LNP1: variants seen among roughly 807,000 people sequenced by gnomAD.
The protein encoded by LNP1 is leukemia NUP98 fusion partner 1.
Under a neutral mutation model 14.5 loss-of-function variants are expected in LNP1, and 12 were observed. That is an observed-to-expected ratio of 0.83 (90% CI 0.53 to 1.34). The LOEUF (loss-of-function observed/expected upper bound fraction) is 1.34. Among genes scored for constraint, LNP1 ranks in the 40% most tolerant of loss-of-function variants. The pLI is 0.00. For missense variants in LNP1, 198 were observed against 210.9 expected, an observed-to-expected ratio of 0.94 and a Z score of 0.38; for synonymous variants, 75 against 71.4, an observed-to-expected ratio of 1.05 and a Z score of -0.26.
intron 1 of LNP1, among the ~76,000 whole-genome samples, chr3:100,428,026 T>G (rs977808903): frequency 1.1e-4 from 16 of 152,240 alleles, no homozygotes; most frequent in African/African-American, 3.9e-4. Flanking sequence ...CAAGAATTCC[T>G]GATTGAAAAT....
At chr3:100,409,070 G>T (rs1444557743) in intron 1 of LNP1, among the ~76,000 whole-genome samples, 1 of 152,084 alleles carries the variant, frequency 6.6e-6, no homozygotes, top group Non-Finnish European at 1.5e-5. Flanking sequence ...ACTTGAATTG[G>T]CAGAGTGAGT....
chr3:100,442,729 T>A (rs1198320599), intron 2 of LNP1, among the ~76,000 whole-genome samples: 2 of 152,316 alleles, frequency 1.3e-5, no homozygotes, highest in East Asian at 3.9e-4. Context: ...GCTTAGTGAT[T>A]TGGGGGCCCC....
intron 2 of LNP1, among the ~76,000 whole-genome samples, chr3:100,438,504 A>T (rs1022004827): frequency 3.9e-5 from 6 of 152,118 alleles, no homozygotes; most frequent in Non-Finnish European, 7.4e-5. Context: ...ACACATTAGG[A>T]TTCACTCTTC....
chr3:100,452,865 G>T (rs1707473425), intron 3 of LNP1, among the ~76,000 whole-genome samples: 1 of 152,228 alleles, frequency 6.6e-6, no homozygotes. Context: ...ATCAATTAAT[G>T]TGGGGGTAGT....
intron 1 of LNP1, among the ~76,000 whole-genome samples, chr3:100,425,194 TAGTC>T (rs1314716906): frequency 6.6e-6 from 1 of 152,190 alleles, no homozygotes; most frequent in Non-Finnish European, 1.5e-5. Flanking sequence ...AAACATGCGT[TAGTC>T]AGGTAGCACA....
At chr3:100,404,585 C>T (rs1429054206) in intron 1 of LNP1, among the ~76,000 whole-genome samples, 1 of 152,164 alleles carries the variant, frequency 6.6e-6, no homozygotes, top group Non-Finnish European at 1.5e-5. Flanking sequence ...TTCAATCTCT[C>T]CATTAGTAAC....
intron 2 of LNP1, among the ~76,000 whole-genome samples, chr3:100,430,276 T>C (rs1707230109): frequency 6.6e-6 from 1 of 152,258 alleles, no homozygotes; most frequent in South Asian, 2.1e-4. Flanking sequence ...TTCCACTCTT[T>C]GGTAGACCTT....
chr3:100,441,666 A>G (rs1707345210), intron 2 of LNP1, among the ~76,000 whole-genome samples: 3 of 150,136 alleles, frequency 2.0e-5, no homozygotes, highest in Admixed American at 2.0e-4. Flanking sequence ...ATTTTATTTT[A>G]TTTTTACTTT....
intron 1 of LNP1, among the ~76,000 whole-genome samples, chr3:100,413,135 A>C (rs1707046383): frequency 6.6e-6 from 1 of 152,226 alleles, no homozygotes; most frequent in Admixed American, 6.5e-5. Context: ...GCTAGATCCC[A>C]GTCCCTAGCA....
chr3:100,434,638 C>T (rs902189704), intron 2 of LNP1, among the ~76,000 whole-genome samples: 12 of 151,646 alleles, frequency 7.9e-5, no homozygotes, highest in African/African-American at 2.7e-4. Context: ...GAGGAATGCT[C>T]CTGCCTCAGC....
At chr3:100,455,649 T>A (rs1204521122) in intron 3 of LNP1, 128 bp from the exon 4 acceptor site, 4 of 871,972 alleles carry the variant, frequency 4.6e-6, no homozygotes, top group Non-Finnish European at 7.4e-6. Context: ...GCTAATTTAT[T>A]TCTAGAAACC....
chr3:100,433,363 C>T (rs1025017887), intron 2 of LNP1, among the ~76,000 whole-genome samples: 5 of 152,152 alleles, frequency 3.3e-5, no homozygotes, highest in Non-Finnish European at 7.3e-5. Context: ...GTGATGGCTT[C>T]CAGCTTCATC....
intron 1 of LNP1, among the ~76,000 whole-genome samples, chr3:100,418,189 A>T (rs1408899259): frequency 1.3e-5 from 2 of 149,614 alleles, no homozygotes; most frequent in African/African-American, 4.9e-5. Context: ...TCTCCTGAGT[A>T]GCTGGGATTA....
At chr3:100,446,628 C>T (rs1445162618) in intron 2 of LNP1, among the ~76,000 whole-genome samples, 1 of 152,150 alleles carries the variant, frequency 6.6e-6, no homozygotes, top group Non-Finnish European at 1.5e-5. Context: ...AGAGCTTCTG[C>T]ACAGCAAAAG....
intron 2 of LNP1, among the ~76,000 whole-genome samples, chr3:100,450,617 A>C (rs1176601935): frequency 6.6e-6 from 1 of 152,132 alleles, no homozygotes; most frequent in Non-Finnish European, 1.5e-5. Flanking sequence ...GATTACAGGC[A>C]TGAGCCACCA....
At chr3:100,455,657 A>ATAATTAG in intron 3 of LNP1, 120 bp from the exon 4 acceptor site, 1 of 933,190 alleles carries the variant, frequency 1.1e-6, no homozygotes, top group Non-Finnish European at 1.7e-6. Flanking sequence ...ATTTCTAGAA[A>ATAATTAG]CCAAGAGGTG....
rs557586204 is a variant in LNP1, at chr3:100,401,895, A to T, written c.-578A>T. On this transcript the variant is annotated 5_prime_UTR_variant, in exon 1 of 4. Coordinates refer to ENST00000383693, the MANE Select transcript of LNP1 (RefSeq NM_001085451.2). ...GCGTTGTTAGGGGTTTCTTAAACTG[A>T]GTTGGTAGAAATGCGAAGCGTCAGG... The T allele has an allele frequency of 6.6e-6, 1 of 152,240 alleles. No individual in the cohort carries two copies. Among genetic ancestry groups the T allele is most frequent in the South Asian group, 2.1e-4 (1 of 4,824 alleles). 9.4% of individuals were successfully genotyped at this position (152,240 alleles called of 1,614,324 possible).
chr3:100,437,176 A>C (rs935107926), intron 2 of LNP1, among the ~76,000 whole-genome samples: 1 of 152,248 alleles, frequency 6.6e-6, no homozygotes, highest in African/African-American at 2.4e-5. Context: ...AAACATTATT[A>C]TACATGACCT....
chr3:100,453,424 T>TA (rs778105596), intron 3 of LNP1, among the ~76,000 whole-genome samples: 1,635 of 134,242 alleles, frequency 0.012, 17 homozygotes, highest in African/African-American at 0.037. Context: ...CTACGAAAAT[T>TA]AAAAAAAAAA....
Sources: gnomAD v4.1 joint callset for allele counts (sites outside exome capture counted in the v4.1 genomes callset) on GRCh38, gnomAD v4.1.1 for gene constraint, MANE v1.5 for transcripts, NCBI Gene and HGNC (gene_info 2026-07-23, HGNC 2026-07-21) for gene names.